Variants in KCNQ3 observed in about 807,000 individuals in gnomAD.
The protein encoded by KCNQ3 is potassium voltage-gated channel subfamily KQT member 3.
A neutral mutation model predicts 92.5 loss-of-function variants in KCNQ3; 30 were observed. The ratio of observed to expected loss-of-function variants is 0.32; its 90% CI spans 0.24 to 0.44. KCNQ3 has a LOEUF of 0.44. Ranked by LOEUF, KCNQ3 falls within the 20% of genes least tolerant of loss-of-function variation. The probability of loss-of-function intolerance (pLI) is 1.00; values close to 1 mark genes in which losing one functional copy is unlikely to be tolerated. For synonymous variants in KCNQ3, 450 were observed against 468.8 expected, an observed-to-expected ratio of 0.96 and a Z score of 0.52; for missense variants, 913 against 1,140.3, an observed-to-expected ratio of 0.80 and a Z score of 2.87.
rs7011017 is a variant in KCNQ3, at chr8:132,336,790, C to A, written c.386+143357G>T. ...TGAATCTTTTTTGGATCAGAGACATCCAATACAACTCATAGCTCTCTCACT... is the reference window on the plus strand; with the variant it reads ...TGAATCTTTTTTGGATCAGAGACATACAATACAACTCATAGCTCTCTCACT... On this transcript the variant is annotated intron_variant, in intron 1 of 14. Transcript: ENST00000388996. Among the ~76,000 whole-genome samples, 695 of 152,318 alleles carry A rather than the reference C, an allele frequency of 4.6e-3. 4 individuals carry two copies. Among genetic ancestry groups the A allele is most frequent in the African/African-American group, 0.016 (667 of 41,584 alleles).
chr8:132,177,432 T>C (rs975710180), intron 4 of KCNQ3, among the ~76,000 whole-genome samples: 1 of 152,174 alleles, frequency 6.6e-6, no homozygotes, highest in African/African-American at 2.4e-5. Flanking sequence ...GTCCAGCCAA[T>C]ATGGAAAAGT....
intron 1 of KCNQ3, among the ~76,000 whole-genome samples, chr8:132,259,868 T>C (rs1233650312): frequency 6.6e-6 from 1 of 152,042 alleles, no homozygotes; most frequent in Non-Finnish European, 1.5e-5. Flanking sequence ...AGAAACATTC[T>C]GAAAAAATTA....
chr8:132,267,022 GA>G (rs1179330755), intron 1 of KCNQ3, among the ~76,000 whole-genome samples: 1 of 152,136 alleles, frequency 6.6e-6, no homozygotes, highest in Non-Finnish European at 1.5e-5. Flanking sequence ...TTCTCCATGT[GA>G]AAATGGGTGG....
chr8:132,221,473 A>G (rs1814235622), intron 1 of KCNQ3, among the ~76,000 whole-genome samples: 2 of 152,180 alleles, frequency 1.3e-5, no homozygotes, highest in South Asian at 4.1e-4. Flanking sequence ...CCTCTCCAGC[A>G]TCTGTTGTTT....
chr8:132,242,188 G>C (rs748836511), intron 1 of KCNQ3, among the ~76,000 whole-genome samples: 23 of 152,184 alleles, frequency 1.5e-4, no homozygotes, highest in Admixed American at 1.5e-3. Flanking sequence ...CTGTGAGGTG[G>C]TTAATGCATC....
At chr8:132,176,742 A>T (rs149080508) in intron 4 of KCNQ3, among the ~76,000 whole-genome samples, 1 of 152,118 alleles carries the variant, frequency 6.6e-6, no homozygotes, top group East Asian at 1.9e-4. Flanking sequence ...CCACTATGAA[A>T]TTTTTCTAGA....
chr8:132,178,664 C>T lies in KCNQ3; in HGVS notation c.777+1493G>A, dbSNP rs187612419. ...TGACTCTCAAGCTCATATTCTACTCCGAGATGCAATCTCATAGGAAACCAC... is the reference window on the plus strand; with the variant it reads ...TGACTCTCAAGCTCATATTCTACTCTGAGATGCAATCTCATAGGAAACCAC... On this transcript the variant is annotated intron_variant, in intron 4 of 14. Transcript: ENST00000388996. Among the ~76,000 whole-genome samples, 411 of 152,054 alleles carry T rather than the reference C, an allele frequency of 2.7e-3. 12 individuals carry two copies. Among genetic ancestry groups the T allele is most frequent in the Admixed American group, 0.026 (399 of 15,256 alleles).
At chr8:132,200,730 T>C (rs1489414588) in intron 1 of KCNQ3, among the ~76,000 whole-genome samples, 1 of 152,208 alleles carries the variant, frequency 6.6e-6, no homozygotes, top group Non-Finnish European at 1.5e-5. Context: ...GTGATAAATC[T>C]GCCTCTGGAA....
rs1263497911 is a variant in KCNQ3, at chr8:132,121,993, C to T, written c.*7269G>A. Reference sequence around the variant, plus strand: ...AGGAACAGCTGACCCAGGCATCACTCTACTCTCCAGGGAACTCATGGGTCT... The same window carrying T: ...AGGAACAGCTGACCCAGGCATCACTTTACTCTCCAGGGAACTCATGGGTCT... On this transcript the variant is annotated 3_prime_UTR_variant, in exon 15 of 15. Coordinates refer to ENST00000388996, the MANE Select transcript of KCNQ3 (RefSeq NM_004519.4). 1.3e-5 allele frequency: 2 copies of T among 152,256 alleles called. No individual in the cohort carries two copies. Among genetic ancestry groups the T allele is most frequent in the Non-Finnish European group, 2.9e-5 (2 of 68,054 alleles). 9.4% of individuals were successfully genotyped at this position (152,256 alleles called of 1,614,324 possible).
intron 1 of KCNQ3, among the ~76,000 whole-genome samples, chr8:132,384,593 C>A (rs1019966108): frequency 4.6e-5 from 7 of 152,148 alleles, no homozygotes; most frequent in African/African-American, 1.7e-4. Flanking sequence ...CTATACCTGT[C>A]AGCTGGTCAT....
intron 12 of KCNQ3, among the ~76,000 whole-genome samples, chr8:132,137,052 G>A (rs956917462): frequency 2.1e-4 from 31 of 147,294 alleles, no homozygotes; most frequent in African/African-American, 7.8e-4. Flanking sequence ...TGTATTTTTA[G>A]TAGAGAGGGG....
chr8:132,344,363 T>C (rs1337861796), intron 1 of KCNQ3, among the ~76,000 whole-genome samples: 2 of 152,232 alleles, frequency 1.3e-5, no homozygotes, highest in African/African-American at 2.4e-5. Flanking sequence ...TGGGAGGCTA[T>C]CTACCAGGTG....
At chr8:132,438,226 C>T (rs117246270) in intron 1 of KCNQ3, among the ~76,000 whole-genome samples, 3,170 of 152,302 alleles carry the variant, frequency 0.021, 40 homozygotes, top group Middle Eastern at 0.041. Context: ...CTATTCAAGT[C>T]TGTATTATAT....
At chr8:132,140,466 G>T (rs1825254398) in intron 10 of KCNQ3, 7 of 389,518 alleles carry the variant, frequency 1.8e-5, no homozygotes, top group Non-Finnish European at 2.8e-5. Context: ...TTCCAGAGTG[G>T]CCCCCAGAGC....
intron 1 of KCNQ3, among the ~76,000 whole-genome samples, chr8:132,275,538 G>A (rs150660590): frequency 1.5e-3 from 227 of 151,492 alleles, no homozygotes; most frequent in African/African-American, 4.9e-3. Context: ...GGCCCAAAAC[G>A]CACCTCATGG....
chr8:132,230,195 C>T (rs1299914134), intron 1 of KCNQ3, among the ~76,000 whole-genome samples: 1 of 152,116 alleles, frequency 6.6e-6, no homozygotes, highest in African/African-American at 2.4e-5. Flanking sequence ...CAAACTGGCT[C>T]CTTTCCATGT....
chr8:132,219,576 T>G (rs1236530823), intron 1 of KCNQ3, among the ~76,000 whole-genome samples: 1 of 152,126 alleles, frequency 6.6e-6, no homozygotes, highest in Non-Finnish European at 1.5e-5. Context: ...CAGTCTGGCT[T>G]AAACAATAAT....
chr8:132,316,595 A>G (rs1291755376), intron 1 of KCNQ3, among the ~76,000 whole-genome samples: 1 of 152,246 alleles, frequency 6.6e-6, no homozygotes, highest in Non-Finnish European at 1.5e-5. Context: ...ACACATCTGC[A>G]CATATGCATG....
chr8:132,233,964 A>AT (rs562008863), intron 1 of KCNQ3, among the ~76,000 whole-genome samples: 159 of 152,350 alleles, frequency 1.0e-3, no homozygotes, highest in African/African-American at 3.6e-3. Flanking sequence ...AAGTGAACAC[A>AT]TAATTTATTG....
Sources: gnomAD v4.1 joint callset for allele counts (sites outside exome capture counted in the v4.1 genomes callset) on GRCh38, gnomAD v4.1.1 for gene constraint, MANE v1.5 for transcripts, NCBI Gene and HGNC (gene_info 2026-07-23, HGNC 2026-07-21) for gene names.